Variants in BAZ2B observed in about 807,000 individuals in gnomAD.
BAZ2B encodes the protein bromodomain adjacent to zinc finger domain 2B.
A neutral mutation model predicts 246.0 loss-of-function variants in BAZ2B; 91 were observed. The observed-to-expected ratio is 0.37, with a 90% CI of 0.31 to 0.44. The LOEUF (loss-of-function observed/expected upper bound fraction) is 0.44, where lower values mean the gene tolerates loss of function less well. Ranked by LOEUF, BAZ2B falls within the 20% of genes least tolerant of loss-of-function variation. The pLI is 1.00. For synonymous variants in BAZ2B, 855 were observed against 860.0 expected, an observed-to-expected ratio of 0.99 and a Z score of 0.10; for missense variants, 2,332 against 2,533.7, an observed-to-expected ratio of 0.92 and a Z score of 1.71.
At chr2:159,666,335 C>T in the BAZ2B span, among the ~76,000 whole-genome samples, 1 of 147,956 alleles carries the variant, frequency 6.8e-6, no homozygotes, top group South Asian at 2.1e-4. Context: ...TTTTAGCTCA[C>T]TGCAATCTCT....
intron 3 of BAZ2B, chr2:159,464,821 T>C (rs935560677): frequency 6.6e-6 from 1 of 152,224 alleles, no homozygotes; most frequent in Non-Finnish European, 1.5e-5. Flanking sequence ...ATATTTTATA[T>C]ACATTTCTAT....
In BAZ2B at chr2:159,337,697, A is replaced by G; in HGVS notation, c.5530T>C (p.Cys1844Arg). 1 of 1,614,190 alleles carries G rather than the reference A, an allele frequency of 6.2e-7. No individual in the cohort carries two copies. The highest frequency in any genetic ancestry group is 8.5e-7 in the Non-Finnish European group (1 of 1,180,030). ...GTAAATTCTCCATCATGCTCCTTGC[A>G]CAATTTAGTAAATGATTTATGTTCA... ...YFEHKSFTKL[C>R]KEHDGEFTGE... Residue 1844 changes from cysteine to arginine, a missense_variant, in exon 32 of 37, where the codon TGC becomes CGC. Transcript: ENST00000392783.
chr2:159,418,713 A>G (rs1047119284), intron 13 of BAZ2B, among the ~76,000 whole-genome samples: 5 of 152,112 alleles, frequency 3.3e-5, no homozygotes, highest in African/African-American at 1.2e-4. Flanking sequence ...CTATTTTTAA[A>G]GTTTTAGTAT....
In BAZ2B at chr2:159,503,693, C is replaced by T. The variant is rs200151797; in HGVS notation, c.-2-24972G>A. 7.2e-5 allele frequency among the ~76,000 whole-genome samples: 11 copies of T among 152,212 alleles called. No individual in the cohort carries two copies. The East Asian group carries it at 7.7e-4, about 11-fold the overall frequency. On this transcript the variant is annotated intron_variant, in intron 2 of 36. Transcript: ENST00000392783. ...CTCCCGGGTTCAAGCAATTCTCCTG[C>T]CTCAGCCTCCCAAGTAGCTGGAATT...
At chr2:159,537,137 A>G (rs10165197) in intron 2 of BAZ2B, among the ~76,000 whole-genome samples, 80,581 of 152,036 alleles carry the variant, frequency 0.53, 22,168 homozygotes, top group Middle Eastern at 0.64. Context: ...ACATGATACT[A>G]AGTGAAACAA....
At chr2:159,354,419 C>T (rs1047097052) in intron 27 of BAZ2B, among the ~76,000 whole-genome samples, 2 of 152,048 alleles carry the variant, frequency 1.3e-5, no homozygotes, top group Non-Finnish European at 2.9e-5. Context: ...GGCATAATCT[C>T]GGTTCACTGC....
the BAZ2B span, among the ~76,000 whole-genome samples, chr2:159,648,753 A>G: frequency 1.3e-3 from 195 of 152,270 alleles, no homozygotes; most frequent in African/African-American, 4.5e-3. Context: ...CCTTTTAGCT[A>G]TTACAAATCA....
chr2:159,353,864 T>C (rs995950015), intron 27 of BAZ2B, among the ~76,000 whole-genome samples: 2 of 152,184 alleles, frequency 1.3e-5, no homozygotes, highest in Non-Finnish European at 2.9e-5. Context: ...CTTGAAAGGA[T>C]CGAACTTTTC....
intron 4 of BAZ2B, among the ~76,000 whole-genome samples, chr2:159,451,401 T>C (rs191902415): frequency 6.6e-6 from 1 of 152,332 alleles, no homozygotes; most frequent in Admixed American, 6.5e-5. Flanking sequence ...ATTTATTTAC[T>C]GGGCAATTTA....
At chr2:159,512,256 A>G (rs1468821064) in intron 2 of BAZ2B, among the ~76,000 whole-genome samples, 3 of 152,222 alleles carry the variant, frequency 2.0e-5, no homozygotes, top group Admixed American at 2.0e-4. Flanking sequence ...TAAAAACATC[A>G]TAAATGTAAA....
At chr2:159,493,574 C>T (rs1187537718) in intron 2 of BAZ2B, among the ~76,000 whole-genome samples, 1 of 152,170 alleles carries the variant, frequency 6.6e-6, no homozygotes, top group Non-Finnish European at 1.5e-5. Context: ...ATCATGTTAC[C>T]ATGTTTTCTT....
intron 6 of BAZ2B, 72 bp from the exon 7 acceptor site, chr2:159,439,284 C>T (rs2072955060): frequency 7.9e-7 from 1 of 1,271,304 alleles, no homozygotes; most frequent in Non-Finnish European, 1.1e-6. Flanking sequence ...AAGGTGTACT[C>T]TTTTTAATTT....
chr2:159,632,880 G>A, the BAZ2B span, among the ~76,000 whole-genome samples: 5 of 152,058 alleles, frequency 3.3e-5, no homozygotes, highest in African/African-American at 4.8e-5. Context: ...CCTCTTACTC[G>A]TTTAAACAAA....
At chr2:159,700,397 GTT>G in the BAZ2B span, among the ~76,000 whole-genome samples, 1 of 152,208 alleles carries the variant, frequency 6.6e-6, no homozygotes, top group South Asian at 2.1e-4. Flanking sequence ...TGTAAAAGTT[GTT>G]ATACTGTTTC....
the BAZ2B span, among the ~76,000 whole-genome samples, chr2:159,684,510 A>G: frequency 1.3e-5 from 2 of 152,250 alleles, no homozygotes; most frequent in East Asian, 1.9e-4. Context: ...TGTCTACACA[A>G]TGATAGGATG....
intron 1 of BAZ2B, among the ~76,000 whole-genome samples, chr2:159,598,510 G>A (rs574324289): frequency 6.6e-6 from 1 of 152,162 alleles, no homozygotes; most frequent in Non-Finnish European, 1.5e-5. Context: ...TGTCTTTACT[G>A]TCCATTATAA....
intron 31 of BAZ2B, among the ~76,000 whole-genome samples, chr2:159,338,938 A>G (rs1016597334): frequency 6.6e-6 from 1 of 152,130 alleles, no homozygotes; most frequent in African/African-American, 2.4e-5. Context: ...TGATCTCCCT[A>G]TTATATGACA....
chr2:159,637,446 CAAG>C, the BAZ2B span, among the ~76,000 whole-genome samples: 6 of 152,284 alleles, frequency 3.9e-5, no homozygotes, highest in East Asian at 9.7e-4. Context: ...GTGCTGGCCA[CAAG>C]AAGAAGCTCC....
intron 2 of BAZ2B, among the ~76,000 whole-genome samples, chr2:159,508,934 A>G (rs2082622205): frequency 6.6e-6 from 1 of 152,110 alleles, no homozygotes; most frequent in African/African-American, 2.4e-5. Flanking sequence ...CCCTGTTTTA[A>G]TATTGCTCCC....
Sources: gnomAD v4.1 joint callset for allele counts (sites outside exome capture counted in the v4.1 genomes callset) on GRCh38, gnomAD v4.1.1 for gene constraint, MANE v1.5 for transcripts, NCBI Gene and HGNC (gene_info 2026-07-23, HGNC 2026-07-21) for gene names.